CEP128: variants seen among roughly 807,000 people sequenced by gnomAD.
CEP128 encodes the protein centrosomal protein 128, also known as centrosomal protein 128kDa.
A neutral mutation model predicts 156.7 loss-of-function variants in CEP128; 132 were observed. That is an observed-to-expected ratio of 0.84 (90% CI 0.73 to 0.97). The LOEUF (loss-of-function observed/expected upper bound fraction) is 0.97, where lower values mean the gene tolerates loss of function less well. Ranked by LOEUF, CEP128 falls within the 50% of genes least tolerant of loss-of-function variation. The probability of loss-of-function intolerance (pLI) is 0.00; values close to 1 mark genes in which losing one functional copy is unlikely to be tolerated. For synonymous variants in CEP128, 469 were observed against 448.9 expected, an observed-to-expected ratio of 1.04 and a Z score of -0.57; for missense variants, 1,252 against 1,281.9, an observed-to-expected ratio of 0.98 and a Z score of 0.36.
At chr14:80,910,146 T>A (rs10142753) in intron 4 of CEP128, among the ~76,000 whole-genome samples, 1 of 152,028 alleles carries the variant, frequency 6.6e-6, no homozygotes, top group African/African-American at 2.4e-5. Flanking sequence ...TATATTAATA[T>A]CTCACTTGAT....
chr14:80,943,884 T>C (rs1019183563), upstream of CEP128, among the ~76,000 whole-genome samples: 8 of 151,836 alleles, frequency 5.3e-5, no homozygotes, highest in African/African-American at 1.9e-4. Context: ...ATCCCAGCTA[T>C]TCGGCAGGCT....
At chr14:80,656,272 T>A (rs1895131633) in intron 19 of CEP128, among the ~76,000 whole-genome samples, 1 of 49,124 alleles carries the variant, frequency 2.0e-5, no homozygotes, top group African/African-American at 7.8e-5. Context: ...TAAACCTAAG[T>A]TTTTATTTAT....
chr14:80,947,634 T>A (rs970319889), intron 2 of CEP128, among the ~76,000 whole-genome samples: 3 of 152,044 alleles, frequency 2.0e-5, no homozygotes, highest in African/African-American at 7.3e-5. Context: ...AGAGGAGTCA[T>A]GCTATAAACA....
chr14:80,689,030 C>T (rs982430976), intron 19 of CEP128, among the ~76,000 whole-genome samples: 2 of 152,126 alleles, frequency 1.3e-5, no homozygotes, highest in Admixed American at 6.6e-5. Flanking sequence ...CATTACCTCA[C>T]GATACAATAT....
intron 19 of CEP128, among the ~76,000 whole-genome samples, chr14:80,657,478 C>CT (rs1017924313): frequency 6.6e-6 from 1 of 151,428 alleles, no homozygotes; most frequent in Admixed American, 6.6e-5. Flanking sequence ...TGGCGAAACT[C>CT]TGTCTCTACT....
At chr14:80,767,217 A>G (rs1900282979) in intron 16 of CEP128, among the ~76,000 whole-genome samples, 1 of 152,158 alleles carries the variant, frequency 6.6e-6, no homozygotes, top group African/African-American at 2.4e-5. Flanking sequence ...GATATCTGCG[A>G]TGGATACTAT....
chr14:80,798,474 C>T (rs1379786118), intron 13 of CEP128, among the ~76,000 whole-genome samples: 5 of 152,192 alleles, frequency 3.3e-5, no homozygotes, highest in Non-Finnish European at 7.3e-5. Flanking sequence ...AAAGTGTTAT[C>T]TATGAGGAAA....
At chr14:80,575,766 T>C (rs1354471115) in intron 20 of CEP128, among the ~76,000 whole-genome samples, 1 of 152,156 alleles carries the variant, frequency 6.6e-6, no homozygotes, top group African/African-American at 2.4e-5. Context: ...TTATCCTTAA[T>C]TTACAATATC....
chr14:80,892,636 G>T (rs1378983460), intron 8 of CEP128, among the ~76,000 whole-genome samples: 1 of 151,846 alleles, frequency 6.6e-6, no homozygotes, highest in East Asian at 1.9e-4. Flanking sequence ...GAAAAATATT[G>T]GCAAACAATA....
At chr14:80,614,342 C>T (rs1252229052) in intron 19 of CEP128, among the ~76,000 whole-genome samples, 1 of 152,148 alleles carries the variant, frequency 6.6e-6, no homozygotes, top group Non-Finnish European at 1.5e-5. Context: ...GCATTTGATA[C>T]TGCTGACTAC....
At chr14:80,845,384 C>T (rs970036675) in intron 9 of CEP128, among the ~76,000 whole-genome samples, 1 of 152,132 alleles carries the variant, frequency 6.6e-6, no homozygotes, top group Admixed American at 6.6e-5. Flanking sequence ...CCAACAAGTG[C>T]ACTTTCCAGG....
intron 20 of CEP128, among the ~76,000 whole-genome samples, chr14:80,565,341 C>T (rs200543717): frequency 2.0e-5 from 3 of 152,046 alleles, no homozygotes; most frequent in South Asian, 2.1e-4. Context: ...CTGACCAATC[C>T]GCACTCCCCA....
At chr14:80,633,442 C>T (rs188167709) in intron 19 of CEP128, among the ~76,000 whole-genome samples, 1 of 152,310 alleles carries the variant, frequency 6.6e-6, no homozygotes, top group African/African-American at 2.4e-5. Flanking sequence ...GTAGAGCTCA[C>T]AAGCTCTCCT....
At chr14:80,912,533 T>G (rs1884301666) in intron 4 of CEP128, among the ~76,000 whole-genome samples, 1 of 152,176 alleles carries the variant, frequency 6.6e-6, no homozygotes, top group South Asian at 2.1e-4. Context: ...CAATTCCCAT[T>G]ATTAATAAGG....
At chr14:80,633,300 T>G (rs1234397657) in intron 19 of CEP128, among the ~76,000 whole-genome samples, 2 of 152,196 alleles carry the variant, frequency 1.3e-5, no homozygotes, top group Admixed American at 6.5e-5. Flanking sequence ...TCAAGAGAGA[T>G]AATATACATT....
intron 19 of CEP128, among the ~76,000 whole-genome samples, chr14:80,617,024 G>GA (rs1431431023): frequency 6.6e-6 from 1 of 151,504 alleles, no homozygotes. Context: ...GTCCTCTAAA[G>GA]AAAAAAAACT....
rs1883440076 is a variant in CEP128 at position 80,899,976 on chromosome 14, A to T, written c.534T>A (p.Leu178=). The T allele has an allele frequency of 6.2e-7, 1 of 1,613,818 alleles. No individual in the cohort carries two copies. The highest frequency in any genetic ancestry group is 1.3e-5 in the African/African-American group (1 of 75,044). Residue 178 remains leucine, a synonymous_variant, in exon 7 of 25, where the codon CTT becomes CTA. Transcript: ENST00000555265. ...AAAGCTCCCTGTTGAAATCATCTCC[A>T]AGGCGAATTTGTTCACTGCTGAGGT... ...LRDLSSEQIR[L]GDDFNRELSR...
intron 13 of CEP128, among the ~76,000 whole-genome samples, chr14:80,824,623 G>A (rs147216783): frequency 0.017 from 2,566 of 152,284 alleles, 38 homozygotes; most frequent in Non-Finnish European, 0.027. Context: ...CTTAACAAGA[G>A]TCACCTTTGC....
At chr14:80,891,553 G>A (rs948860797) in intron 8 of CEP128, among the ~76,000 whole-genome samples, 1 of 149,728 alleles carries the variant, frequency 6.7e-6, no homozygotes, top group African/African-American at 2.5e-5. Context: ...ATAGTTGGAA[G>A]GGTGAGGAGG....
Sources: gnomAD v4.1 joint callset for allele counts (sites outside exome capture counted in the v4.1 genomes callset) on GRCh38, gnomAD v4.1.1 for gene constraint, MANE v1.5 for transcripts, NCBI Gene and HGNC (gene_info 2026-07-23, HGNC 2026-07-21) for gene names.